MAML1: variants seen among roughly 807,000 people sequenced by gnomAD.
The protein encoded by MAML1 is mastermind like transcriptional coactivator 1.
In MAML1, 14 loss-of-function variants were observed where a neutral mutation model predicts 77.1. The observed-to-expected ratio is 0.18, with a 90% CI of 0.12 to 0.28. The LOEUF is 0.28. MAML1 is among the 10% of genes least tolerant of loss of function. The pLI is 1.00. For missense variants in MAML1, 1,217 were observed against 1,327.8 expected (o/e 0.92, Z 1.30); for synonymous variants, 516 against 551.9 (o/e 0.93, Z 0.91).
In MAML1 at chr5:179,765,535, C is replaced by T. The variant is rs1779801002; in HGVS notation, c.525C>T (p.Ser175=). The change falls in exon 2 of 5, where the codon TCC becomes TCT. Residue 175 remains serine (S), a synonymous_variant. Coordinates refer to ENST00000292599, the MANE Select transcript of MAML1 (RefSeq NM_014757.5). ...DKPSGADALQ[S]SGKHSLGLDS... is the part of the protein sequence containing the mutation. ...CTTCTGGAGCCGACGCCCTGCAGTC[C>T]AGTGGGAAGCACTCTCTGGGGCTAG... 2 of 1,614,030 alleles carry T rather than the reference C, an allele frequency of 1.2e-6. No individual in the cohort carries two copies. The highest frequency in any genetic ancestry group is 1.7e-6 in the Non-Finnish European group (2 of 1,179,944).
At chr5:179,770,916 C>T in intron 3 of MAML1, 1 of 428,390 alleles carries the variant, frequency 2.3e-6, no homozygotes, top group Non-Finnish European at 4.4e-6. Context: ...TTTTCCTAAC[C>T]AGCTCTCCAT....
chr5:179,747,635 C>T (rs2113346752), intron 1 of MAML1, among the ~76,000 whole-genome samples: 1 of 151,642 alleles, frequency 6.6e-6, no homozygotes, highest in Admixed American at 6.6e-5. Context: ...ACGGTGAAAC[C>T]CCGTCTCTAC....
intron 1 of MAML1, among the ~76,000 whole-genome samples, chr5:179,762,987 G>C (rs1779749623): frequency 6.6e-6 from 1 of 152,148 alleles, no homozygotes. Flanking sequence ...ATGAGGGAGT[G>C]GTAGCTTTTG....
intron 3 of MAML1, among the ~76,000 whole-genome samples, chr5:179,770,029 T>C (rs182403405): frequency 2.5e-4 from 38 of 152,326 alleles, no homozygotes; most frequent in Non-Finnish European, 5.1e-4. Flanking sequence ...CACAGAGTTG[T>C]GCAACCATTA....
chr5:179,737,133 G>C (rs1029793704), intron 1 of MAML1, among the ~76,000 whole-genome samples: 5 of 152,148 alleles, frequency 3.3e-5, no homozygotes, highest in Admixed American at 2.0e-4. Context: ...AATCTAATTT[G>C]TCAGTCATTC....
At chr5:179,747,638 G>A (rs900431557) in intron 1 of MAML1, among the ~76,000 whole-genome samples, 3 of 151,724 alleles carry the variant, frequency 2.0e-5, no homozygotes, top group African/African-American at 7.3e-5. Flanking sequence ...GTGAAACCCC[G>A]TCTCTACTAA....
chr5:179,753,177 A>AT (rs1213830721), intron 1 of MAML1, among the ~76,000 whole-genome samples: 3 of 143,562 alleles, frequency 2.1e-5, no homozygotes, highest in South Asian at 2.2e-4. Flanking sequence ...CCTAGATGCT[A>AT]TTTTTTAGTG....
At chr5:179,751,173 A>G (rs1335465802) in intron 1 of MAML1, among the ~76,000 whole-genome samples, 4 of 151,774 alleles carry the variant, frequency 2.6e-5, no homozygotes, top group East Asian at 2.0e-4. Flanking sequence ...GGGTTTCACC[A>G]TATTGGTCAG....
rs368345217 is a variant in MAML1, at chr5:179,774,487, C to T, written c.2661C>T (p.Asn887=). 4.3e-6 allele frequency: 7 copies of T among 1,613,208 alleles called. No homozygotes were observed. Among genetic ancestry groups the T allele is most frequent in the African/African-American group, 4.0e-5 (3 of 74,946 alleles). ...CGCAATTCTCCCAGGCAGTGCCCAA[C>T]AGGCCCATGGCTCCCATGAGCTCAG... is the stretch of plus-strand genomic sequence containing the variant. The part of the protein sequence containing the change: ...SSPQFSQAVP[N]RPMAPMSSAA... The change falls in exon 5 of 5, where the codon AAC becomes AAT. Residue 887 remains asparagine, a synonymous_variant. Transcript: ENST00000292599.
chr5:179,774,809 T>C lies in MAML1; in HGVS notation c.2983T>C (p.Ser995Pro). The change falls in exon 5 of 5, where the codon TCC becomes CCC. Residue 995 changes from serine (S) to proline (P), a missense_variant. Transcript: ENST00000292599. ...GGCTGGACACACCGATCTGATCGAC[T>C]CCCTGCTGAAGAACAGGACTTCAGA... ...SVAGHTDLIDSLLKNRTSEEW... is the reference protein window; with the variant it reads ...SVAGHTDLIDPLLKNRTSEEW... 2 of 1,614,022 alleles carry C rather than the reference T, an allele frequency of 1.2e-6. No individual in the cohort carries two copies. The highest frequency in any genetic ancestry group is 1.7e-6 in the Non-Finnish European group (2 of 1,179,998).
Position 179,768,861 on chromosome 5 carries a change from T to G in MAML1, c.1743T>G (p.Pro581=). Residue 581 remains proline (P), a synonymous_variant, in exon 3 of 5, where the codon CCT becomes CCG. Transcript: ENST00000292599. The stretch of plus-strand genomic sequence containing the variant: ...ATCTGTGTTGACAGGAGCAGAACCC[T>G]TCCAGTGTCCCTGTGCAAGCCCAGG... ...SLVPPGQEQN[P]SSVPVQAQAT... is the part of the protein sequence containing the mutation. The G allele has an allele frequency of 6.2e-7, 1 of 1,614,196 alleles. No individual in the cohort carries two copies. Among genetic ancestry groups the G allele is most frequent in the Non-Finnish European group, 8.5e-7 (1 of 1,180,038 alleles).
chr5:179,762,629 G>A (rs892464210), intron 1 of MAML1, among the ~76,000 whole-genome samples: 6 of 152,176 alleles, frequency 3.9e-5, no homozygotes, highest in South Asian at 2.1e-4. Flanking sequence ...GTATTTATAC[G>A]TGGCAGCCAG....
chr5:179,744,216 G>T (rs62406180), intron 1 of MAML1, among the ~76,000 whole-genome samples: 67,750 of 151,908 alleles, frequency 0.45, 16,736 homozygotes, highest in South Asian at 0.62. Flanking sequence ...ATGGAGTCTT[G>T]CTCTGTTGCC....
At position 179,733,404 on chromosome 5, in the gene MAML1, C is replaced by T. The variant is rs1295054635; in HGVS notation, c.292C>T (p.Pro98Ser). Residue 98 changes from proline to serine, a missense_variant, in exon 1 of 5, where the codon CCC becomes TCC. This residue lies in a region of MAML1 where 312 missense variants were observed against 331.4 expected (regional missense o/e 0.94). Coordinates refer to ENST00000292599, the MANE Select transcript of MAML1 (RefSeq NM_014757.5). ...CCCGCGCCTGGACGCCGCTGACGGC[C>T]CCGAGCACGGCCGCCCGGCCACGGT... ...PAPRLDAADG[P>S]EHGRPATHLH... 8.8e-7 allele frequency: 1 copy of T among 1,138,524 alleles called. No homozygotes were observed. Among genetic ancestry groups the T allele is most frequent in the Non-Finnish European group, 1.1e-6 (1 of 932,812 alleles). 70.5% of individuals were successfully genotyped at this position (1,138,524 alleles called of 1,614,324 possible).
chr5:179,753,186 TGTG>T (rs1433396758), intron 1 of MAML1, among the ~76,000 whole-genome samples: 4 of 27,162 alleles, frequency 1.5e-4, no homozygotes, highest in Admixed American at 4.0e-4. Flanking sequence ...TATTTTTTAG[TGTG>T]TGTGTGTGTG....
intron 1 of MAML1, among the ~76,000 whole-genome samples, chr5:179,755,149 C>G (rs1255961158): frequency 2.0e-5 from 3 of 152,224 alleles, no homozygotes; most frequent in Non-Finnish European, 4.4e-5. Flanking sequence ...TGTATAACTT[C>G]TCCAAGCCTT....
intron 1 of MAML1, among the ~76,000 whole-genome samples, chr5:179,763,293 T>G (rs1779755183): frequency 1.3e-5 from 2 of 152,246 alleles, no homozygotes; most frequent in African/African-American, 4.8e-5. Context: ...ATAAAGGGTC[T>G]ATTTTATGTG....
chr5:179,738,400 T>C (rs1378379886), intron 1 of MAML1, among the ~76,000 whole-genome samples: 1 of 152,220 alleles, frequency 6.6e-6, no homozygotes, highest in Non-Finnish European at 1.5e-5. Flanking sequence ...TATTTCTGAA[T>C]ATAAAACAGA....
rs1453655822 is a variant in MAML1 at position 179,769,415 on chromosome 5, A to G, written c.1971+326A>G. 6.6e-6 allele frequency among the ~76,000 whole-genome samples: 1 copy of G among 152,184 alleles called. No individual in the cohort carries two copies. Among genetic ancestry groups the G allele is most frequent in the Non-Finnish European group, 1.5e-5 (1 of 68,036 alleles). On this transcript the variant is annotated intron_variant, in intron 3 of 4. Coordinates refer to ENST00000292599, the MANE Select transcript of MAML1 (RefSeq NM_014757.5). This position sits in a 1 kb window ranked among gnomAD's most constrained non-coding sequence, Gnocchi z 4.2. ...GAGCTCACGTGTCTGTCATTCCACT[A>G]TGGAGTCAGCTTTGCTGCCACTACA...
Sources: gnomAD v4.1 joint callset for allele counts (sites outside exome capture counted in the v4.1 genomes callset) on GRCh38, gnomAD v4.1.1 for gene constraint, gnomAD v4.1.1 regional missense constraint, Gnocchi (gnomAD v3.1) non-coding constraint, MANE v1.5 for transcripts, NCBI Gene and HGNC (gene_info 2026-07-23, HGNC 2026-07-21) for gene names.